Variants in CNTNAP2 observed in about 807,000 individuals in gnomAD.
CNTNAP2 encodes the protein contactin-associated protein-like 2.
A neutral mutation model predicts 155.2 loss-of-function variants in CNTNAP2; 98 were observed. The ratio of observed to expected loss-of-function variants is 0.63; its 90% CI spans 0.54 to 0.75. The LOEUF (loss-of-function observed/expected upper bound fraction) is 0.75, where lower values mean the gene tolerates loss of function less well. Among genes scored for constraint, CNTNAP2 ranks in the 30% least tolerant of loss-of-function variants. CNTNAP2 has a pLI of 0.00. For synonymous variants in CNTNAP2, 651 were observed against 631.2 expected, an observed-to-expected ratio of 1.03 and a Z score of -0.47; for missense variants, 1,727 against 1,688.1, an observed-to-expected ratio of 1.02 and a Z score of -0.40.
chr7:146,264,320 C>T (rs770087778), intron 1 of CNTNAP2, among the ~76,000 whole-genome samples: 5 of 151,896 alleles, frequency 3.3e-5, no homozygotes, highest in Non-Finnish European at 7.4e-5. Context: ...GGCGTGGTGG[C>T]GGGCGCCTGT....
chr7:146,514,003 C>A (rs1797506032), intron 1 of CNTNAP2, among the ~76,000 whole-genome samples: 1 of 151,846 alleles, frequency 6.6e-6, no homozygotes, highest in Admixed American at 6.6e-5. Context: ...TTTTATATAT[C>A]CTTTTTTTAA....
chr7:146,499,818 T>C (rs1351475251), intron 1 of CNTNAP2, among the ~76,000 whole-genome samples: 1 of 152,228 alleles, frequency 6.6e-6, no homozygotes, highest in Non-Finnish European at 1.5e-5. Flanking sequence ...TATTGCTGTT[T>C]TAACACTGTA....
At chr7:148,162,219 A>G (rs1805561099) in intron 17 of CNTNAP2, among the ~76,000 whole-genome samples, 2 of 152,238 alleles carry the variant, frequency 1.3e-5, no homozygotes, top group Admixed American at 6.5e-5. Context: ...TTTTACTTCA[A>G]AGATGACAAA....
intron 8 of CNTNAP2, among the ~76,000 whole-genome samples, chr7:147,140,779 A>G (rs1215563156): frequency 3.3e-5 from 5 of 152,258 alleles, no homozygotes; most frequent in Admixed American, 3.3e-4. Context: ...AATGCTGTAC[A>G]TAATTTTATG....
At chr7:146,589,392 G>GT (rs1233271826) in intron 1 of CNTNAP2, among the ~76,000 whole-genome samples, 1 of 152,096 alleles carries the variant, frequency 6.6e-6, no homozygotes, top group Non-Finnish European at 1.5e-5. Flanking sequence ...AATGTGGCAC[G>GT]TGTACACCAT....
chr7:147,807,437 C>T (rs2116601335), intron 13 of CNTNAP2, among the ~76,000 whole-genome samples: 1 of 151,488 alleles, frequency 6.6e-6, no homozygotes, highest in South Asian at 2.1e-4. Flanking sequence ...ACCTTGCATG[C>T]TGTATCAAAA....
At chr7:147,370,939 G>A (rs1307665765) in intron 9 of CNTNAP2, among the ~76,000 whole-genome samples, 4 of 151,894 alleles carry the variant, frequency 2.6e-5, no homozygotes, top group Non-Finnish European at 5.9e-5. Context: ...TGTTTTTCTG[G>A]GAACATTGCT....
At chr7:146,434,840 T>G (rs1402818668) in intron 1 of CNTNAP2, among the ~76,000 whole-genome samples, 1 of 152,186 alleles carries the variant, frequency 6.6e-6, no homozygotes, top group Non-Finnish European at 1.5e-5. Flanking sequence ...AAGAAACTTG[T>G]GGCAGTTCAG....
At chr7:147,734,836 T>G (rs1371536178) in intron 13 of CNTNAP2, among the ~76,000 whole-genome samples, 1 of 152,234 alleles carries the variant, frequency 6.6e-6, no homozygotes, top group Non-Finnish European at 1.5e-5. Flanking sequence ...GATGGTAGTT[T>G]GTATTTCTGT....
chr7:146,526,191 T>C (rs1797689587), intron 1 of CNTNAP2, among the ~76,000 whole-genome samples: 1 of 152,200 alleles, frequency 6.6e-6, no homozygotes, highest in Non-Finnish European at 1.5e-5. Context: ...TGTAACTCTT[T>C]CTAATGTGCA....
At chr7:147,831,933 C>T (rs1015510572) in intron 13 of CNTNAP2, 13 of 152,028 alleles carry the variant, frequency 8.6e-5, no homozygotes, top group Non-Finnish European at 1.5e-4. Flanking sequence ...CATGATGTGA[C>T]TGTTACACAT....
chr7:148,153,554 C>T (rs1340313899), intron 17 of CNTNAP2, among the ~76,000 whole-genome samples: 1 of 152,184 alleles, frequency 6.6e-6, no homozygotes, highest in African/African-American at 2.4e-5. Context: ...GATCTGAAGC[C>T]TCAGCCAGCC....
intron 2 of CNTNAP2, among the ~76,000 whole-genome samples, chr7:146,824,798 G>A (rs1563247425): frequency 6.6e-6 from 1 of 151,698 alleles, no homozygotes; most frequent in African/African-American, 2.4e-5. Context: ...ATAAAGATGT[G>A]GGAAAACTTT....
intron 3 of CNTNAP2, among the ~76,000 whole-genome samples, chr7:146,956,909 G>A (rs1036894272): frequency 1.2e-4 from 18 of 152,240 alleles, no homozygotes; most frequent in African/African-American, 4.3e-4. Flanking sequence ...TTCCCATTAA[G>A]AGAAAAAGAT....
rs140950768 is a variant in CNTNAP2 at position 147,817,762 on chromosome 7, G to A, written c.2099-85803G>A. Among the ~76,000 whole-genome samples, 1,443 of 151,932 alleles carry A rather than the reference G, an allele frequency of 9.5e-3. 12 individuals carry two copies. Among genetic ancestry groups the A allele is most frequent in the Middle Eastern group, 0.031 (9 of 294 alleles). On this transcript the variant is annotated intron_variant, in intron 13 of 23. Transcript: ENST00000361727. ...ACTAAAAATACAAAAAAAATTAGCC[G>A]GGCATGATGGTGGGCGCCTGTAGTC...
chr7:148,162,224 G>A (rs1805561187), intron 17 of CNTNAP2, among the ~76,000 whole-genome samples: 1 of 152,168 alleles, frequency 6.6e-6, no homozygotes, highest in African/African-American at 2.4e-5. Flanking sequence ...CTTCAAAGAT[G>A]ACAAAACTCA....
chr7:147,642,043 T>C (rs10278524), intron 13 of CNTNAP2, among the ~76,000 whole-genome samples: 6,224 of 151,472 alleles, frequency 0.041, 404 homozygotes, highest in Admixed American at 0.15. Flanking sequence ...TTAACTGGAT[T>C]CTGTTTCCAG....
At chr7:147,979,225 T>C (rs375662955) in intron 15 of CNTNAP2, among the ~76,000 whole-genome samples, 13 of 152,330 alleles carry the variant, frequency 8.5e-5, no homozygotes, top group East Asian at 1.9e-4. Context: ...AAATTGAGAC[T>C]GGTCAAGATC....
chr7:146,298,172 G>A (rs1434913418), intron 1 of CNTNAP2, among the ~76,000 whole-genome samples: 1 of 152,168 alleles, frequency 6.6e-6, no homozygotes, highest in Non-Finnish European at 1.5e-5. Context: ...CTGGGACTTT[G>A]TGAAGAGCCA....
Sources: gnomAD v4.1 joint callset for allele counts (sites outside exome capture counted in the v4.1 genomes callset) on GRCh38, gnomAD v4.1.1 for gene constraint, MANE v1.5 for transcripts, NCBI Gene and HGNC (gene_info 2026-07-23, HGNC 2026-07-21) for gene names.